The following CHRNA7 variants were observed in gnomAD, a reference collection of about 807,000 sequenced individuals.
The protein encoded by CHRNA7 is cholinergic receptor nicotinic alpha 7 subunit.
CHRNA7 carries 17 observed loss-of-function variants against 48.0 expected under a neutral mutation model. The observed-to-expected ratio is 0.35, with a 90% CI of 0.24 to 0.53. CHRNA7 has a LOEUF of 0.53. CHRNA7 is among the 20% of genes least tolerant of loss of function. The pLI, the probability that CHRNA7 is intolerant of heterozygous loss-of-function variation, is 0.92. For missense variants in CHRNA7, 155 were observed against 577.7 expected, an observed-to-expected ratio of 0.27 and a Z score of 7.50; for synonymous variants, 75 against 242.3, an observed-to-expected ratio of 0.31 and a Z score of 6.41.
Position 32,050,735 on chromosome 15 carries a change from T to C in CHRNA7, c.195+19698T>C, listed in dbSNP as rs189471855. On this transcript the variant is annotated intron_variant, in intron 2 of 9. Coordinates refer to ENST00000306901, the MANE Select transcript of CHRNA7 (RefSeq NM_000746.6). ...AGGAGAGTCACTCTGCTTTTTAGAG[T>C]TTCCAGTTTTTCTGTTCTGTTTTTT... Among the ~76,000 whole-genome samples, 1,404 of 148,020 alleles carry C rather than the reference T, an allele frequency of 9.5e-3. 27 individuals are homozygous for C. The highest frequency in any genetic ancestry group is 0.034 in the African/African-American group (1,336 of 39,058).
intron 2 of CHRNA7, chr15:32,099,446 A>T (rs1424700695): frequency 6.6e-6 from 1 of 152,176 alleles, no homozygotes; most frequent in African/African-American, 2.4e-5. Flanking sequence ...GAAAAGCTGC[A>T]CTTGGTCCCA....
chr15:32,069,816 T>A (rs894009196), intron 2 of CHRNA7, among the ~76,000 whole-genome samples: 18 of 152,290 alleles, frequency 1.2e-4, no homozygotes, highest in East Asian at 3.9e-4. Context: ...GCTTTTTTTT[T>A]AAAACAAAGC....
chr15:32,135,412 C>T (rs570146454), intron 4 of CHRNA7, among the ~76,000 whole-genome samples: 10 of 152,212 alleles, frequency 6.6e-5, no homozygotes, highest in South Asian at 2.1e-4. Flanking sequence ...AAAGGAATTT[C>T]GAGATGAATT....
intron 4 of CHRNA7, among the ~76,000 whole-genome samples, chr15:32,138,653 C>A (rs1277929847): frequency 6.6e-6 from 1 of 152,166 alleles, no homozygotes; most frequent in Non-Finnish European, 1.5e-5. Context: ...AGAATAGCTT[C>A]ACTGCCCTAA....
chr15:32,093,945 G>A (rs1036109331), intron 2 of CHRNA7, among the ~76,000 whole-genome samples: 6 of 152,146 alleles, frequency 3.9e-5, no homozygotes, highest in Non-Finnish European at 8.8e-5. Flanking sequence ...CTCTGCTGGG[G>A]GAGTTCTAGA....
chr15:32,149,589 T>C lies in CHRNA7; in HGVS notation c.351-4318T>C, dbSNP rs539136996. 6.6e-6 allele frequency among the ~76,000 whole-genome samples: 1 copy of C among 152,340 alleles called. No homozygotes were observed. Among genetic ancestry groups the C allele is most frequent in the East Asian group, 1.9e-4 (1 of 5,192 alleles). On this transcript the variant is annotated intron_variant, in intron 4 of 9. Transcript: ENST00000306901. This position sits in a 1 kb window ranked among gnomAD's most constrained non-coding sequence, Gnocchi z 4.6. ...TACAAGAGTTTACTTTTATACTATG[T>C]ACTTATAAAATCAATTTGCCTATGG...
chr15:32,129,632 G>T (rs563093702), intron 4 of CHRNA7, among the ~76,000 whole-genome samples: 1 of 151,730 alleles, frequency 6.6e-6, no homozygotes, highest in South Asian at 2.1e-4. Context: ...TACATTCGTG[G>T]TATTAGTTTG....
intron 2 of CHRNA7, among the ~76,000 whole-genome samples, chr15:32,092,820 C>G (rs2050404255): frequency 6.6e-6 from 1 of 152,186 alleles, no homozygotes; most frequent in Non-Finnish European, 1.5e-5. Flanking sequence ...CCACTTTGCA[C>G]CGGTTCCATA....
At chr15:32,061,321 G>C (rs780206169) in intron 2 of CHRNA7, among the ~76,000 whole-genome samples, 1 of 152,142 alleles carries the variant, frequency 6.6e-6, no homozygotes, top group Non-Finnish European at 1.5e-5. Context: ...CGTTTCCTGC[G>C]TGGAAAGAAC....
chr15:32,048,653 T>C (rs2049602617), intron 2 of CHRNA7, among the ~76,000 whole-genome samples: 1 of 152,030 alleles, frequency 6.6e-6, no homozygotes, highest in African/African-American at 2.4e-5. Flanking sequence ...GAAGGGTTTT[T>C]TGTGTCTCTA....
rs571961191 is a variant in CHRNA7 at position 32,157,269 on chromosome 15, A to G, written c.431-339A>G. The G allele has an allele frequency of 3.4e-4, 60 of 177,930 alleles. 4 individuals are homozygous for G. The East Asian group carries it at 7.9e-3, about 23-fold the overall frequency. 11.0% of individuals were successfully genotyped at this position (177,930 alleles called of 1,614,324 possible). A position where few individuals can be genotyped will look rare whatever the true frequency, so the allele number is the denominator to read the frequency against. On this transcript the variant is annotated intron_variant, in intron 5 of 9. Coordinates refer to ENST00000306901, the MANE Select transcript of CHRNA7 (RefSeq NM_000746.6). ...TTCTAACTTCATCATCAGGGTTATC[A>G]ACTTCTCTGAGATATTTTGCATTCT...
intron 2 of CHRNA7, among the ~76,000 whole-genome samples, chr15:32,047,923 G>T (rs1395153468): frequency 2.0e-5 from 3 of 152,138 alleles, no homozygotes; most frequent in African/African-American, 7.2e-5. Context: ...CATCTATTGA[G>T]ATAATCATGT....
intron 2 of CHRNA7, among the ~76,000 whole-genome samples, chr15:32,050,682 T>C (rs4779960): frequency 0.88 from 134,118 of 152,232 alleles, 59,753 homozygotes; most frequent in South Asian, 0.95. Context: ...TGTTCCGTTG[T>C]TGGTGAGGAA....
chr15:32,138,671 C>T (rs1328311358), intron 4 of CHRNA7, among the ~76,000 whole-genome samples: 1 of 152,116 alleles, frequency 6.6e-6, no homozygotes, highest in African/African-American at 2.4e-5. Flanking sequence ...TAAAAATCCT[C>T]GGTGCTCCAC....
At chr15:32,095,207 A>G (rs2050447302) in intron 2 of CHRNA7, among the ~76,000 whole-genome samples, 1 of 152,182 alleles carries the variant, frequency 6.6e-6, no homozygotes, top group South Asian at 2.1e-4. Flanking sequence ...CGAGCTCTGT[A>G]TCCCGAGAGG....
At chr15:32,073,399 C>G (rs960519236) in intron 2 of CHRNA7, among the ~76,000 whole-genome samples, 3 of 152,128 alleles carry the variant, frequency 2.0e-5, no homozygotes, top group Non-Finnish European at 4.4e-5. Flanking sequence ...CTAACAGGCT[C>G]ATAGGTCAAA....
At chr15:32,046,667 A>C (rs1490795450) in intron 2 of CHRNA7, among the ~76,000 whole-genome samples, 4 of 150,156 alleles carry the variant, frequency 2.7e-5, no homozygotes, top group Admixed American at 2.0e-4. Context: ...GAAGCTCTTT[A>C]GTTTAATTAG....
chr15:32,030,713 CTGTGCGCCCCGCGCCTG>C (rs1901776495), intron 1 of CHRNA7, 64 bp downstream of exon 1: 1 of 1,539,772 alleles, frequency 6.5e-7, no homozygotes, highest in South Asian at 1.2e-5. Context: ...CCGGGCGCCT[CTGTGCGCCCCGCGCCTG>C]GGCCAGGTTT....
chr15:32,128,176 A>G (rs1477715529), intron 4 of CHRNA7, among the ~76,000 whole-genome samples: 1 of 151,952 alleles, frequency 6.6e-6, no homozygotes, highest in Non-Finnish European at 1.5e-5. Context: ...CTCTTCCTCT[A>G]TTATAGTCTT....
Sources: allele counts gnomAD v4.1 joint callset (sites outside exome capture counted in the v4.1 genomes callset), GRCh38; gene constraint gnomAD v4.1.1; non-coding constraint Gnocchi (gnomAD v3.1); transcripts MANE v1.5; gene names NCBI Gene and HGNC (gene_info 2026-07-23, HGNC 2026-07-21).